The following CAMK2B variants were observed in gnomAD, a reference collection of about 807,000 sequenced individuals.
CAMK2B encodes the protein calcium/calmodulin-dependent protein kinase type II subunit beta.
A neutral mutation model predicts 93.7 loss-of-function variants in CAMK2B; 27 were observed. That is an observed-to-expected ratio of 0.29 (90% CI 0.21 to 0.40). The LOEUF (loss-of-function observed/expected upper bound fraction) is 0.40. CAMK2B is among the 10% of genes least tolerant of loss of function. The pLI, the probability that CAMK2B is intolerant of heterozygous loss-of-function variation, is 1.00. For synonymous variants in CAMK2B, 374 were observed against 358.8 expected, an observed-to-expected ratio of 1.04 and a Z score of -0.48; for missense variants, 568 against 895.8, an observed-to-expected ratio of 0.63 and a Z score of 4.67.
At chr7:44,254,730 G>T in intron 4 of CAMK2B, 123 bp from the exon 5 acceptor site, 1 of 495,286 alleles carries the variant, frequency 2.0e-6, no homozygotes, top group Non-Finnish European at 3.6e-6. Flanking sequence ...CATCACTAAT[G>T]TCACCATCCA....
In CAMK2B at chr7:44,242,635, C is replaced by T. The variant is rs763577653; in HGVS notation, c.621G>A (p.Leu207=). ...IWACGVILYI[L]LVGYPPFWDE... Reference sequence around the variant, plus strand: ...CCCAGAAGGGTGGGTAGCCCACGAGCAGGATGTACAGGATCACCCCTGCGG... The same window carrying T: ...CCCAGAAGGGTGGGTAGCCCACGAGTAGGATGTACAGGATCACCCCTGCGG... Residue 207 remains leucine (L), a synonymous_variant, in exon 9 of 24, where the codon CTG becomes CTA. Coordinates refer to ENST00000395749, the MANE Select transcript of CAMK2B (RefSeq NM_001220.5). 5.0e-6 allele frequency: 8 copies of T among 1,611,382 alleles called. No individual in the cohort carries two copies. Among genetic ancestry groups the T allele is most frequent in the South Asian group, 1.1e-5 (1 of 90,796 alleles).
At chr7:44,292,958 C>A (rs950574752) in intron 1 of CAMK2B, among the ~76,000 whole-genome samples, 1 of 152,254 alleles carries the variant, frequency 6.6e-6, no homozygotes, top group Non-Finnish European at 1.5e-5. Flanking sequence ...CCCACAGCAG[C>A]AGCCACTGCC....
intron 17 of CAMK2B, chr7:44,229,771 C>T (rs117998298): frequency 0.055 from 20,096 of 364,918 alleles, 641 homozygotes; most frequent in South Asian, 0.079. Flanking sequence ...TGCAGGCTGG[C>T]GCAGAGTCAG....
chr7:44,304,200 C>T lies in CAMK2B; in HGVS notation c.66-19975G>A, dbSNP rs192594413. Among the ~76,000 whole-genome samples the T allele has an allele frequency of 7.7e-4, 117 of 152,284 alleles. 1 individual carries two copies. Among genetic ancestry groups the T allele is most frequent in the South Asian group, 1.5e-3 (7 of 4,826 alleles). On this transcript the variant is annotated intron_variant, in intron 1 of 23. Transcript: ENST00000395749. ...GAGAGTATGGTAGTTTCTTGCAAAA[C>T]TAAAAATATTCTTTACCTTACACTC...
At chr7:44,234,594 A>G (rs754800185) in intron 14 of CAMK2B, 45 bp downstream of exon 14, 29 of 1,610,356 alleles carry the variant, frequency 1.8e-5, no homozygotes, top group African/African-American at 2.7e-5. Context: ...GTGAAGCTGC[A>G]GGCTCTGGGC....
intron 2 of CAMK2B, among the ~76,000 whole-genome samples, chr7:44,269,956 C>T (rs961972072): frequency 6.6e-6 from 1 of 152,112 alleles, no homozygotes; most frequent in African/African-American, 2.4e-5. Context: ...CTTCCCTGGG[C>T]CTCATCTGGA....
chr7:44,242,759 C>A, intron 8 of CAMK2B, 105 bp from the exon 9 acceptor site: 1 of 775,502 alleles, frequency 1.3e-6, no homozygotes. Context: ...CCTGGGAGGG[C>A]ATTGGGGTCC....
intron 1 of CAMK2B, among the ~76,000 whole-genome samples, chr7:44,285,838 C>T (rs1331791713): frequency 2.1e-4 from 6 of 28,484 alleles, no homozygotes; most frequent in African/African-American, 9.4e-4. Flanking sequence ...GGAGGGGGCG[C>T]GGTGTGGGGG....
In CAMK2B at chr7:44,218,452, G is replaced by A. The variant is rs1257591183; in HGVS notation, c.*1073C>T. The A allele has an allele frequency of 1.3e-5, 2 of 152,282 alleles. No homozygotes were observed. Among genetic ancestry groups the A allele is most frequent in the African/African-American group, 2.4e-5 (1 of 41,458 alleles). The allele number at this position is 152,282 out of a possible 1,614,324, so 9.4% of individuals were successfully genotyped here. A position where few individuals can be genotyped will look rare whatever the true frequency, so the allele number is the denominator to read the frequency against. On this transcript the variant is annotated 3_prime_UTR_variant, in exon 24 of 24. Transcript: ENST00000395749. The stretch of plus-strand genomic sequence containing the variant: ...GCTTCAGCTGGGGGCTCAGGGACTT[G>A]AGCGAGGCCCGCAGTCCTTTGTCAA...
At chr7:44,221,048 G>C (rs936623069) in intron 20 of CAMK2B, 147 bp from the exon 21 acceptor site, 1 of 622,560 alleles carries the variant, frequency 1.6e-6, no homozygotes, top group Non-Finnish European at 2.8e-6. Context: ...CCTCTCCGCC[G>C]CCCCCCCTGC....
chr7:44,242,248 G>C lies in CAMK2B; in HGVS notation c.789C>G (p.Ala263=), dbSNP rs1233103909. ...LTINPAKRIT[A]HEALKHPWVC... Reference sequence around the variant, plus strand: ...CCCACGGGTGCTTCAGGGCCTCATGGGCTGTGATGCGCTTGGCAGGGTTGA... The same window carrying C: ...CCCACGGGTGCTTCAGGGCCTCATGCGCTGTGATGCGCTTGGCAGGGTTGA... Residue 263 remains alanine (A), a synonymous_variant, in exon 10 of 24, where the codon GCC becomes GCG. Coordinates refer to ENST00000395749, the MANE Select transcript of CAMK2B (RefSeq NM_001220.5). 6.2e-7 allele frequency: 1 copy of C among 1,614,064 alleles called. No individual in the cohort carries two copies. The highest frequency in any genetic ancestry group is 1.3e-5 in the African/African-American group (1 of 75,058).
chr7:44,264,232 CA>C (rs1415778475), intron 2 of CAMK2B, among the ~76,000 whole-genome samples: 1 of 152,214 alleles, frequency 6.6e-6, no homozygotes, highest in Non-Finnish European at 1.5e-5. Flanking sequence ...TGCAACTTCA[CA>C]ATCATCCTTG....
In CAMK2B at chr7:44,313,992, CCG is replaced by C. The variant is rs1244814817; in HGVS notation, c.65+11363_65+11364del. 2.6e-5 allele frequency among the ~76,000 whole-genome samples: 4 copies of C among 152,122 alleles called. No homozygotes were observed. The East Asian group carries it at 7.7e-4, about 29-fold the overall frequency. ...CTGGGGTCCTGAAGATTAGGGGAGGCCGCCCACCCTGAGCCAGGCATTGGCAG... is the reference window on the plus strand; with the variant it reads ...CTGGGGTCCTGAAGATTAGGGGAGGCCCCACCCTGAGCCAGGCATTGGCAG... On this transcript the variant is annotated intron_variant, in intron 1 of 23. Coordinates refer to ENST00000395749, the MANE Select transcript of CAMK2B (RefSeq NM_001220.5).
At position 44,226,594 on chromosome 7, in the gene CAMK2B, G is replaced by T; in HGVS notation, c.1519C>A (p.Pro507Thr). 1 of 1,512,916 alleles carries T rather than the reference G, an allele frequency of 6.6e-7. No homozygotes were observed. The highest frequency in any genetic ancestry group is 8.8e-7 in the Non-Finnish European group (1 of 1,139,652). The allele number at this position is 1,512,916 out of a possible 1,614,324, so 93.7% of individuals were successfully genotyped here. ...LNSVRRGSGT[P>T]EAEGPSPVGP... ...ACTGGCGAGGGGCCCTCGGCTTCTG[G>T]GGTCCCTGAGCCCCTCCTCACAGAG... Residue 507 changes from proline to threonine, a missense_variant, in exon 20 of 24, where the codon CCA becomes ACA. Pro to Thr is a conservative substitution (Grantham distance 38, BLOSUM62 -1). Transcript: ENST00000395749.
intron 1 of CAMK2B, among the ~76,000 whole-genome samples, chr7:44,316,351 C>T (rs1794830896): frequency 6.6e-6 from 1 of 151,984 alleles, no homozygotes; most frequent in Non-Finnish European, 1.5e-5. Context: ...GCTGAATGAA[C>T]CTTTCATTCT....
intron 5 of CAMK2B, among the ~76,000 whole-genome samples, chr7:44,254,100 C>G (rs112062205): frequency 6.6e-6 from 1 of 152,074 alleles, no homozygotes; most frequent in East Asian, 1.9e-4. Flanking sequence ...GGGACAGGGC[C>G]CTGTCACCTC....
chr7:44,250,387 A>T (rs1374797409), intron 5 of CAMK2B, among the ~76,000 whole-genome samples: 1 of 152,142 alleles, frequency 6.6e-6, no homozygotes, highest in Non-Finnish European at 1.5e-5. Flanking sequence ...TGAACAGTTT[A>T]AGATGTCACT....
In CAMK2B at chr7:44,242,653, C is replaced by T; in HGVS notation, c.603G>A (p.Gly201=). Reference sequence around the variant, plus strand: ...CCACGAGCAGGATGTACAGGATCACCCCTGCGGATGGGGCCTGTGAGCACC... The same window carrying T: ...CCACGAGCAGGATGTACAGGATCACTCCTGCGGATGGGGCCTGTGAGCACC... ...YGKPVDIWAC[G]VILYILLVGY... Residue 201 remains glycine, a splice_region_variant and synonymous_variant, in exon 9 of 24, where the codon GGG becomes GGA. Transcript: ENST00000395749. The T allele has an allele frequency of 1.2e-6, 2 of 1,607,838 alleles. No individual in the cohort carries two copies. Among genetic ancestry groups the T allele is most frequent in the Non-Finnish European group, 1.7e-6 (2 of 1,176,774 alleles).
intron 20 of CAMK2B, 50 bp from the exon 21 acceptor site, chr7:44,220,951 C>CG: frequency 2.0e-6 from 3 of 1,487,442 alleles, no homozygotes; most frequent in Non-Finnish European, 2.7e-6. Context: ...CCATTCCCCC[C>CG]GGACCCCTCC....
Sources: allele counts gnomAD v4.1 joint callset (sites outside exome capture counted in the v4.1 genomes callset), GRCh38; gene constraint gnomAD v4.1.1; transcripts MANE v1.5; gene names NCBI Gene and HGNC (gene_info 2026-07-23, HGNC 2026-07-21).